The following CLASP1 variants were observed in gnomAD, a reference collection of about 807,000 sequenced individuals.
The protein encoded by CLASP1 is cytoplasmic linker associated protein 1.
Under a neutral mutation model 192.3 loss-of-function variants are expected in CLASP1, and 38 were observed. The ratio of observed to expected loss-of-function variants is 0.20; its 90% confidence interval spans 0.15 to 0.26. CLASP1 has a LOEUF of 0.26. Among genes scored for constraint, CLASP1 ranks in the 10% least tolerant of loss-of-function variants. CLASP1 has a pLI of 1.00. For missense variants in CLASP1, 1,433 were observed against 1,932.5 expected (o/e 0.74, Z 4.85); for synonymous variants, 691 against 712.8 (o/e 0.97, Z 0.49).
At chr2:121,469,697 G>T in intron 9 of CLASP1, 111 bp downstream of exon 9, 1 of 997,596 alleles carries the variant, frequency 1.0e-6, no homozygotes, top group Non-Finnish European at 1.4e-6. Flanking sequence ...GAAACCTGCT[G>T]CATATGGGGA....
chr2:121,577,852 A>C (rs2060679245), intron 2 of CLASP1, among the ~76,000 whole-genome samples: 1 of 152,134 alleles, frequency 6.6e-6, no homozygotes, highest in Admixed American at 6.5e-5. Flanking sequence ...AGACAGGAGA[A>C]GTGCTTGAGT....
intron 2 of CLASP1, among the ~76,000 whole-genome samples, chr2:121,558,508 G>A: frequency 6.6e-6 from 1 of 152,076 alleles, no homozygotes; most frequent in East Asian, 1.9e-4. Context: ...TGAATTAATG[G>A]GTTATCACGG....
At chr2:121,392,770 G>A (rs1475332849) in intron 30 of CLASP1, among the ~76,000 whole-genome samples, 1 of 152,004 alleles carries the variant, frequency 6.6e-6, no homozygotes, top group Admixed American at 6.6e-5. Context: ...TCTAGTGTAC[G>A]TCTGCATAGT....
At chr2:121,362,278 T>C (rs887522437) in intron 37 of CLASP1, among the ~76,000 whole-genome samples, 1 of 152,242 alleles carries the variant, frequency 6.6e-6, no homozygotes, top group Non-Finnish European at 1.5e-5. Flanking sequence ...CTGAATCATT[T>C]GTATCTGGAC....
chr2:121,505,773 T>G (rs999843208), intron 7 of CLASP1, among the ~76,000 whole-genome samples: 1 of 152,210 alleles, frequency 6.6e-6, no homozygotes, highest in Non-Finnish European at 1.5e-5. Flanking sequence ...TTTTCTGAAT[T>G]TAAATTTCCA....
chr2:121,406,418 A>C (rs1432456033), intron 25 of CLASP1, among the ~76,000 whole-genome samples: 1 of 152,188 alleles, frequency 6.6e-6, no homozygotes, highest in Non-Finnish European at 1.5e-5. Flanking sequence ...CCAAACTAAG[A>C]CTGATAACAT....
chr2:121,455,595 C>A (rs1184477495), intron 14 of CLASP1, among the ~76,000 whole-genome samples: 2 of 152,110 alleles, frequency 1.3e-5, no homozygotes, highest in Admixed American at 1.3e-4. Flanking sequence ...GTGTGGAATC[C>A]AAAAAAGTCG....
chr2:121,348,480 C>A, intron 38 of CLASP1, 32 bp downstream of exon 39: 1 of 1,567,692 alleles, frequency 6.4e-7, no homozygotes, highest in Non-Finnish European at 8.7e-7. Context: ...CCACACAGGC[C>A]GGGGGCAGGC....
intron 8 of CLASP1, among the ~76,000 whole-genome samples, chr2:121,471,818 T>A (rs1201109139): frequency 1.3e-5 from 2 of 152,188 alleles, no homozygotes; most frequent in African/African-American, 4.8e-5. Flanking sequence ...CCATTTTTCA[T>A]TGATTCAGAT....
chr2:121,384,617 A>C (rs1280530606), intron 32 of CLASP1, among the ~76,000 whole-genome samples: 6 of 152,244 alleles, frequency 3.9e-5, no homozygotes, highest in Admixed American at 2.6e-4. Flanking sequence ...ATTAGACTTA[A>C]AACAGGCCAG....
At chr2:121,589,420 A>C (rs1247774879) in intron 2 of CLASP1, among the ~76,000 whole-genome samples, 3 of 152,188 alleles carry the variant, frequency 2.0e-5, no homozygotes, top group African/African-American at 7.2e-5. Flanking sequence ...ACCTAAGGTC[A>C]AGAGTTTGAG....
intron 1 of CLASP1, among the ~76,000 whole-genome samples, chr2:121,617,110 G>A (rs1196011047): frequency 6.6e-6 from 1 of 152,188 alleles, no homozygotes; most frequent in Non-Finnish European, 1.5e-5. Context: ...AAGCAGCTCA[G>A]CACCGGGGCA....
At position 121,454,063 on chromosome 2, in the gene CLASP1, T is replaced by C. The variant is rs577752790; in HGVS notation, c.1386-2214A>G. 4.6e-5 allele frequency among the ~76,000 whole-genome samples: 7 copies of C among 152,302 alleles called. No homozygotes were observed. In the East Asian group the frequency reaches 5.8e-4, roughly 13 times the overall value. On this transcript the variant is annotated intron_variant, in intron 14 of 39. Transcript: ENST00000263710. ...ATTGGTGAGGGTGGCGGCATTTCTA[T>C]TGTCACAATAACTGTAGGGTGCTAC...
At chr2:121,364,907 G>A in intron 36 of CLASP1, 187 bp downstream of exon 37, 2 of 631,084 alleles carry the variant, frequency 3.2e-6, no homozygotes, top group Admixed American at 2.6e-5. Context: ...GCAGCAGCTT[G>A]TTGCTGATAA....
chr2:121,390,506 G>T (rs2074153801), intron 30 of CLASP1, among the ~76,000 whole-genome samples: 1 of 152,220 alleles, frequency 6.6e-6, no homozygotes, highest in Non-Finnish European at 1.5e-5. Context: ...GAGAGGTGGG[G>T]TTTGTAAAAG....
chr2:121,480,313 T>C (rs1484573937), intron 8 of CLASP1, among the ~76,000 whole-genome samples: 1 of 152,218 alleles, frequency 6.6e-6, no homozygotes, highest in Non-Finnish European at 1.5e-5. Flanking sequence ...TAAGGCACTG[T>C]AGGAGCTCAA....
intron 30 of CLASP1, 104 bp downstream of exon 31, chr2:121,397,036 A>G: frequency 9.3e-7 from 1 of 1,078,696 alleles, no homozygotes; most frequent in Admixed American, 1.9e-5. Context: ...CCTTAGTGAT[A>G]TAGGTTTGTG....
chr2:121,488,912 G>T (rs2093145246), intron 8 of CLASP1, among the ~76,000 whole-genome samples: 3 of 152,250 alleles, frequency 2.0e-5, no homozygotes, highest in Admixed American at 6.5e-5. Context: ...AAGGAGGCAG[G>T]CAATTTGAAA....
At chr2:121,589,948 A>G (rs1205197603) in intron 2 of CLASP1, among the ~76,000 whole-genome samples, 1 of 152,142 alleles carries the variant, frequency 6.6e-6, no homozygotes, top group East Asian at 1.9e-4. Flanking sequence ...TCATATAGGC[A>G]TCTCCTGCTC....
Sources: allele counts gnomAD v4.1 joint callset (sites outside exome capture counted in the v4.1 genomes callset), GRCh38; gene constraint gnomAD v4.1.1; transcripts MANE v1.5; gene names NCBI Gene and HGNC (gene_info 2026-07-23, HGNC 2026-07-21).